The following PRMT9 variants were observed in gnomAD, a reference collection of about 807,000 sequenced individuals.
The protein encoded by PRMT9 is protein arginine N-methyltransferase 9.
In PRMT9, 59 loss-of-function variants were observed where a neutral mutation model predicts 83.2. The observed-to-expected ratio is 0.71, with a 90% CI of 0.57 to 0.88. The LOEUF (loss-of-function observed/expected upper bound fraction) is 0.88. Ranked by LOEUF, PRMT9 falls within the 40% of genes least tolerant of loss-of-function variation. PRMT9 has a pLI of 0.00. For synonymous variants in PRMT9, 333 were observed against 353.2 expected, an observed-to-expected ratio of 0.94 and a Z score of 0.64; for missense variants, 947 against 1,021.9, an observed-to-expected ratio of 0.93 and a Z score of 1.00.
At chr4:147,663,442 A>T (rs1735112121) in intron 6 of PRMT9, among the ~76,000 whole-genome samples, 1 of 152,036 alleles carries the variant, frequency 6.6e-6, no homozygotes, top group Non-Finnish European at 1.5e-5. Flanking sequence ...GGCTCACTGC[A>T]ACAACCTCCA....
Position 147,642,813 on chromosome 4 carries a change from T to C in PRMT9, c.2173A>G (p.Ile725Val), listed in dbSNP as rs778865998. 1.2e-6 allele frequency: 2 copies of C among 1,613,970 alleles called. No individual in the cohort carries two copies. Among genetic ancestry groups the C allele is most frequent in the Non-Finnish European group, 1.7e-6 (2 of 1,179,868 alleles). Residue 725 changes from isoleucine (I) to valine (V), a missense_variant, in exon 10 of 12, where the codon ATA becomes GTA. Ile to Val is a conservative substitution (Grantham distance 29, BLOSUM62 3). Coordinates refer to ENST00000322396, the MANE Select transcript of PRMT9 (RefSeq NM_138364.4). ...TGAAACTGGTTAATAAAAGGTGCTA[T>C]ATTTAATCCAAGAGTACGTTCTGTT... Reference protein sequence around the residue: ...QGTERTLGLNIAPFINQFQVP... With the variant: ...QGTERTLGLNVAPFINQFQVP...
intron 2 of PRMT9, among the ~76,000 whole-genome samples, chr4:147,675,319 A>C (rs1165329008): frequency 6.6e-6 from 1 of 152,204 alleles, no homozygotes; most frequent in Non-Finnish European, 1.5e-5. Context: ...GGTATGGTTT[A>C]AGCAAAAGAG....
At position 147,637,830 on chromosome 4, in the gene PRMT9, A is replaced by C; in HGVS notation, c.*702T>G. 1 of 152,110 alleles carries C rather than the reference A, an allele frequency of 6.6e-6. No individual in the cohort carries two copies. 9.4% of individuals were successfully genotyped at this position (152,110 alleles called of 1,614,324 possible). ...TTCCTTTATTTCAAAAGTTTGTAAAAATTGGATCAATTAATGTACTTATTG... is the reference window on the plus strand; with the variant it reads ...TTCCTTTATTTCAAAAGTTTGTAAACATTGGATCAATTAATGTACTTATTG... On this transcript the variant is annotated 3_prime_UTR_variant, in exon 12 of 12. Transcript: ENST00000322396.
chr4:147,656,771 CAAAAA>C (rs1023416920), intron 8 of PRMT9, among the ~76,000 whole-genome samples: 5 of 47,958 alleles, frequency 1.0e-4, no homozygotes, highest in South Asian at 1.6e-3. Flanking sequence ...GACTCTGTCT[CAAAAA>C]AAAAAAAAAA....
chr4:147,642,060 T>G (rs1733438248), intron 10 of PRMT9, among the ~76,000 whole-genome samples: 1 of 152,172 alleles, frequency 6.6e-6, no homozygotes. Context: ...CTCTCTGCAG[T>G]CTGATTTCTT....
At position 147,638,213 on chromosome 4, in the gene PRMT9, C is replaced by T. The variant is rs1396275124; in HGVS notation, c.*319G>A. The T allele has an allele frequency of 6.6e-6, 2 of 304,828 alleles. No homozygotes were observed. The highest frequency in any genetic ancestry group is 4.8e-5 in the Admixed American group (1 of 20,794). 18.9% of individuals were successfully genotyped at this position (304,828 alleles called of 1,614,324 possible). A position where few individuals can be genotyped will look rare whatever the true frequency, so the allele number is the denominator to read the frequency against. ...TTAAGAAAAAAGGCCAAGATGCCTA[C>T]AAAAGTAAAGTTTTGCTTTACTTAC... On this transcript the variant is annotated 3_prime_UTR_variant, in exon 12 of 12. Coordinates refer to ENST00000322396, the MANE Select transcript of PRMT9 (RefSeq NM_138364.4).
At chr4:147,677,759 G>A (rs1017190102) in intron 2 of PRMT9, among the ~76,000 whole-genome samples, 1 of 151,864 alleles carries the variant, frequency 6.6e-6, no homozygotes, top group South Asian at 2.1e-4. Context: ...GCCCGACCTA[G>A]AATTTTTTCA....
At chr4:147,639,854 T>C (rs190980850) in intron 10 of PRMT9, among the ~76,000 whole-genome samples, 4 of 152,134 alleles carry the variant, frequency 2.6e-5, no homozygotes, top group Non-Finnish European at 5.9e-5. Flanking sequence ...ATCCAGCCTT[T>C]ATTCCCCATA....
chr4:147,667,002 T>C (rs1186608132), intron 6 of PRMT9, among the ~76,000 whole-genome samples: 1 of 152,180 alleles, frequency 6.6e-6, no homozygotes, highest in Non-Finnish European at 1.5e-5. Flanking sequence ...AAAATGTAGA[T>C]ACCAGCCATT....
intron 8 of PRMT9, among the ~76,000 whole-genome samples, chr4:147,656,715 T>G (rs57690385): frequency 0.037 from 4,869 of 131,834 alleles, 199 homozygotes; most frequent in East Asian, 0.24. Flanking sequence ...GAGGTTGCAG[T>G]GAGCTGAGAT....
intron 10 of PRMT9, 92 bp from the exon 11 acceptor site, chr4:147,639,174 G>T (rs1733216124): frequency 6.7e-6 from 9 of 1,345,162 alleles, no homozygotes; most frequent in Non-Finnish European, 9.5e-6. Context: ...TGTGGTCAGG[G>T]ATTGCTTTGT....
At position 147,661,789 on chromosome 4, in the gene PRMT9, CAAAAAAAAAAA is replaced by C. The variant is rs70958573; in HGVS notation, c.954-762_954-752del. 1.5e-4 allele frequency among the ~76,000 whole-genome samples: 9 copies of C among 60,232 alleles called. No individual in the cohort carries two copies. The South Asian group carries it at 6.9e-3, about 46-fold the overall frequency. 39.5% of individuals were successfully genotyped at this position (60,232 alleles called of 152,430 possible). A position where few individuals can be genotyped will look rare whatever the true frequency, so the allele number is the denominator to read the frequency against. On this transcript the variant is annotated intron_variant, in intron 6 of 11. Coordinates refer to ENST00000322396, the MANE Select transcript of PRMT9 (RefSeq NM_138364.4). ...TGGGCAACAGAGCGAGACTCCATCT[CAAAAAAAAAAA>C]AAAAAAAAAAAAATTCACAATGCAT...
chr4:147,666,776 T>C (rs1735367226), intron 6 of PRMT9, among the ~76,000 whole-genome samples: 1 of 150,788 alleles, frequency 6.6e-6, no homozygotes, highest in Admixed American at 6.6e-5. Flanking sequence ...ATTTATTTTG[T>C]CAACACCTTT....
intron 9 of PRMT9, among the ~76,000 whole-genome samples, chr4:147,643,861 G>A (rs1733567953): frequency 6.6e-6 from 1 of 152,018 alleles, no homozygotes; most frequent in South Asian, 2.1e-4. Context: ...GTGTGGTGGT[G>A]CACACCTGTA....
chr4:147,650,306 C>T (rs1313952634), intron 9 of PRMT9, among the ~76,000 whole-genome samples: 1 of 152,168 alleles, frequency 6.6e-6, no homozygotes, highest in Non-Finnish European at 1.5e-5. Flanking sequence ...CCTGTTACAA[C>T]TCATAAATGA....
chr4:147,651,523 C>T (rs1399266718), intron 9 of PRMT9, among the ~76,000 whole-genome samples: 2 of 152,128 alleles, frequency 1.3e-5, no homozygotes, highest in Non-Finnish European at 2.9e-5. Flanking sequence ...ACAGAAATAA[C>T]TCCTACAACT....
chr4:147,676,276 A>G (rs760168562), intron 2 of PRMT9, among the ~76,000 whole-genome samples: 4 of 152,236 alleles, frequency 2.6e-5, no homozygotes, highest in African/African-American at 9.6e-5. Context: ...ATCCTGAAAC[A>G]TAAGTCTTGG....
Position 147,672,952 on chromosome 4 carries a change from A to G in PRMT9, c.743+7T>C. The stretch of plus-strand genomic sequence containing the variant: ...ATAAACACTAAAATTAGTTTACATG[A>G]TAATACCTTTCGGGAATATGTTTTG... On this transcript the variant is annotated splice_region_variant and intron_variant, in intron 4 of 11. Transcript: ENST00000322396. The G allele has an allele frequency of 6.2e-7, 1 of 1,611,168 alleles. No homozygotes were observed. Among genetic ancestry groups the G allele is most frequent in the South Asian group, 1.1e-5 (1 of 91,014 alleles).
At chr4:147,680,768 T>C (rs1234899431) in intron 1 of PRMT9, among the ~76,000 whole-genome samples, 2 of 152,258 alleles carry the variant, frequency 1.3e-5, no homozygotes, top group Admixed American at 1.3e-4. Context: ...TGTCGGCTCC[T>C]GTGTTTTTGG....
Sources: allele counts gnomAD v4.1 joint callset (sites outside exome capture counted in the v4.1 genomes callset), GRCh38; gene constraint gnomAD v4.1.1; transcripts MANE v1.5; gene names NCBI Gene and HGNC (gene_info 2026-07-23, HGNC 2026-07-21).